The following PRELID2 variants were observed in gnomAD, a reference collection of about 807,000 sequenced individuals.
PRELID2 encodes the protein PRELI domain containing 2, also known as PRELI domain-containing protein 2.
Under a neutral mutation model 28.4 loss-of-function variants are expected in PRELID2, and 25 were observed. That is an observed-to-expected ratio of 0.88 (90% CI 0.64 to 1.23). PRELID2 has a LOEUF of 1.23. Ranked by LOEUF, PRELID2 falls within the 50% of genes most tolerant of loss-of-function variation. The probability of loss-of-function intolerance (pLI) is 0.00; values close to 1 mark genes in which losing one functional copy is unlikely to be tolerated. For synonymous variants in PRELID2, 76 were observed against 71.6 expected (o/e 1.06, Z -0.31); for missense variants, 201 against 214.4 (o/e 0.94, Z 0.39).
At chr5:145,304,950 A>G in the PRELID2 span, among the ~76,000 whole-genome samples, 1 of 152,218 alleles carries the variant, frequency 6.6e-6, no homozygotes, top group African/African-American at 2.4e-5. Context: ...TGTCGAACGA[A>G]TAAATGAGTA....
the PRELID2 span, among the ~76,000 whole-genome samples, chr5:145,439,778 C>T: frequency 6.6e-6 from 1 of 152,034 alleles, no homozygotes; most frequent in East Asian, 1.9e-4. Flanking sequence ...TACTCCTTAC[C>T]TGGATCTCCT....
chr5:145,486,760 T>C (rs1752221956), intron 1 of PRELID2, among the ~76,000 whole-genome samples: 1 of 152,152 alleles, frequency 6.6e-6, no homozygotes, highest in African/African-American at 2.4e-5. Context: ...CAAGACTAAG[T>C]ATATCATGCT....
downstream of PRELID2, among the ~76,000 whole-genome samples, chr5:145,467,408 T>C (rs6872778): frequency 9.0e-3 from 1,364 of 152,160 alleles, 8 homozygotes; most frequent in African/African-American, 0.018. Context: ...AATAGGGATA[T>C]GACAAACCAT....
chr5:145,704,596 T>A (rs1386367052), intron 1 of PRELID2, among the ~76,000 whole-genome samples: 1 of 152,234 alleles, frequency 6.6e-6, no homozygotes, highest in Non-Finnish European at 1.5e-5. Context: ...TTTTGAAATA[T>A]CTGCCTAACC....
chr5:145,595,165 C>CACACACACACATACACACACACAT (rs1475227978), intron 1 of PRELID2, among the ~76,000 whole-genome samples: 1 of 143,066 alleles, frequency 7.0e-6, no homozygotes, highest in South Asian at 2.2e-4. Flanking sequence ...ATAATAGACA[C>CACACACACACATACACACACACAT]ACACACACAC....
intron 5 of PRELID2, among the ~76,000 whole-genome samples, chr5:145,771,191 A>G (rs1758080450): frequency 1.3e-5 from 2 of 152,042 alleles, no homozygotes; most frequent in Admixed American, 6.5e-5. Flanking sequence ...TGGATACACA[A>G]ATAGTTATCA....
chr5:145,650,013 A>C (rs1754262262), intron 1 of PRELID2, among the ~76,000 whole-genome samples: 1 of 152,198 alleles, frequency 6.6e-6, no homozygotes, highest in Non-Finnish European at 1.5e-5. Flanking sequence ...GAGACTCTGA[A>C]GGATGTTATC....
the PRELID2 span, among the ~76,000 whole-genome samples, chr5:145,347,809 A>G: frequency 6.6e-6 from 1 of 152,102 alleles, no homozygotes; most frequent in Non-Finnish European, 1.5e-5. Flanking sequence ...CTGTTGGCAT[A>G]TATTGAAACT....
chr5:145,497,631 T>C (rs991922130), intron 1 of PRELID2, among the ~76,000 whole-genome samples: 1 of 152,192 alleles, frequency 6.6e-6, no homozygotes, highest in Non-Finnish European at 1.5e-5. Flanking sequence ...AAATTTCTAA[T>C]GGCCACCGAT....
the PRELID2 span, among the ~76,000 whole-genome samples, chr5:145,419,067 A>T: frequency 1.9e-3 from 283 of 149,966 alleles, 1 homozygote; most frequent in African/African-American, 6.2e-3. Context: ...ACTCATCATT[A>T]TTTATGGCTG....
chr5:145,466,706 A>G, the PRELID2 span, among the ~76,000 whole-genome samples: 1 of 152,124 alleles, frequency 6.6e-6, no homozygotes, highest in Non-Finnish European at 1.5e-5. Flanking sequence ...TTGGTAACAA[A>G]CAGATATAGG....
chr5:145,672,501 G>GGA (rs1754727610), intron 1 of PRELID2, among the ~76,000 whole-genome samples: 2 of 99,126 alleles, frequency 2.0e-5, no homozygotes, highest in African/African-American at 3.0e-5. Context: ...CGGAGCTTGT[G>GGA]AAAAAAAAAA....
At chr5:145,413,879 T>C in the PRELID2 span, among the ~76,000 whole-genome samples, 1 of 152,156 alleles carries the variant, frequency 6.6e-6, no homozygotes, top group Non-Finnish European at 1.5e-5. Context: ...CAGGATTTTC[T>C]TTTTTTAAGA....
the PRELID2 span, among the ~76,000 whole-genome samples, chr5:145,331,366 G>A: frequency 2.0e-5 from 3 of 152,082 alleles, no homozygotes; most frequent in Non-Finnish European, 4.4e-5. Flanking sequence ...TATTGACAGT[G>A]GGATCTTAAA....
intron 1 of PRELID2, among the ~76,000 whole-genome samples, chr5:145,727,731 A>G (rs1359694004): frequency 6.6e-6 from 1 of 152,176 alleles, no homozygotes; most frequent in Non-Finnish European, 1.5e-5. Flanking sequence ...CTCAGTTACA[A>G]TACAAATAGA....
At chr5:145,232,304 A>G in the PRELID2 span, among the ~76,000 whole-genome samples, 1 of 152,170 alleles carries the variant, frequency 6.6e-6, no homozygotes, top group Non-Finnish European at 1.5e-5. Context: ...GAGGTGAATA[A>G]TATTATTGTT....
At chr5:145,729,775 C>T (rs534397839) in intron 1 of PRELID2, among the ~76,000 whole-genome samples, 1 of 152,076 alleles carries the variant, frequency 6.6e-6, no homozygotes, top group African/African-American at 2.4e-5. Flanking sequence ...AACACCAGGT[C>T]GTGGGGGCAA....
chr5:145,311,331 C>T, the PRELID2 span, among the ~76,000 whole-genome samples: 1 of 152,018 alleles, frequency 6.6e-6, no homozygotes, highest in Non-Finnish European at 1.5e-5. Flanking sequence ...ACAGCCCCCA[C>T]CCATTCATTT....
chr5:145,597,781 T>G (rs1253718389), intron 1 of PRELID2, among the ~76,000 whole-genome samples: 1 of 152,220 alleles, frequency 6.6e-6, no homozygotes, highest in Non-Finnish European at 1.5e-5. Context: ...GCTAACATAC[T>G]GCACCTGCAA....
Sources: allele counts gnomAD v4.1 joint callset (sites outside exome capture counted in the v4.1 genomes callset), GRCh38; gene constraint gnomAD v4.1.1; transcripts MANE v1.5; gene names NCBI Gene and HGNC (gene_info 2026-07-23, HGNC 2026-07-21).